ZNF143: variants seen among roughly 807,000 people sequenced by gnomAD.
ZNF143 encodes the protein SPH-binding factor.
ZNF143 carries 49 observed loss-of-function variants against 74.1 expected under a neutral mutation model. That is an observed-to-expected ratio of 0.66 (90% CI 0.53 to 0.84). The LOEUF is 0.84. Ranked by LOEUF, ZNF143 falls within the 40% of genes least tolerant of loss-of-function variation. The pLI, the probability that ZNF143 is intolerant of heterozygous loss-of-function variation, is 0.00. For missense variants in ZNF143, 637 were observed against 793.4 expected (o/e 0.80, Z 2.37); for synonymous variants, 304 against 282.8 (o/e 1.07, Z -0.75).
chr11:9,525,602 T>A, intron 15 of ZNF143: 2 of 594,304 alleles, frequency 3.4e-6, no homozygotes, highest in Admixed American at 3.0e-5. Flanking sequence ...GGGGAATTTA[T>A]AGCAAGAAAA....
Position 9,478,420 on chromosome 11 carries a change from T to C in ZNF143, c.404T>C (p.Val135Ala). ...DSYDQSALQAVQLEDGTTAYI... is the reference protein window; with the variant it reads ...DSYDQSALQAAQLEDGTTAYI... ...TATGACCAGAGTGCATTACAGGCGG[T>C]TCAGCTGGAAGATGGTACCACAGCT... Residue 135 changes from valine to alanine, a missense_variant, in exon 6 of 16, where the codon GTT becomes GCT. By Grantham distance (64) the Val-to-Ala change is moderately conservative. Around this residue, in one of 2 missense-constraint regions of ZNF143, gnomAD observed 293 missense variants for 307.8 expected, o/e 0.95. Coordinates refer to ENST00000396602, the MANE Select transcript of ZNF143 (RefSeq NM_003442.6). 2 of 1,614,096 alleles carry C rather than the reference T, an allele frequency of 1.2e-6. No homozygotes were observed. The highest frequency in any genetic ancestry group is 1.7e-6 in the Non-Finnish European group (2 of 1,179,988).
intron 7 of ZNF143, among the ~76,000 whole-genome samples, chr11:9,485,168 A>G (rs1847420501): frequency 6.6e-6 from 1 of 151,196 alleles, no homozygotes; most frequent in Middle Eastern, 3.4e-3. Flanking sequence ...AGAAAACCCA[A>G]AATGACCCGT....
chr11:9,462,804 G>A (rs1304904473), intron 1 of ZNF143, among the ~76,000 whole-genome samples: 1 of 152,140 alleles, frequency 6.6e-6, no homozygotes, highest in Non-Finnish European at 1.5e-5. Flanking sequence ...GAACCCAGGA[G>A]GCGGAGGTTG....
chr11:9,498,118 C>T (rs1373118048), intron 10 of ZNF143, among the ~76,000 whole-genome samples: 2 of 152,238 alleles, frequency 1.3e-5, no homozygotes, highest in African/African-American at 4.8e-5. Flanking sequence ...GCGTGAGCCA[C>T]CGCGCCCGGC....
chr11:9,517,688 T>C (rs182855140), intron 14 of ZNF143, among the ~76,000 whole-genome samples: 5 of 152,322 alleles, frequency 3.3e-5, no homozygotes, highest in African/African-American at 1.2e-4. Context: ...AAACTGTTCT[T>C]GTACTGTGCT....
chr11:9,510,315 G>A (rs910086360), intron 12 of ZNF143, among the ~76,000 whole-genome samples: 28 of 151,910 alleles, frequency 1.8e-4, no homozygotes, highest in African/African-American at 5.8e-4. Context: ...TAATAGAGAC[G>A]GGGTTTCACC....
chr11:9,509,437 C>G (rs1313160898), intron 12 of ZNF143, among the ~76,000 whole-genome samples: 1 of 152,028 alleles, frequency 6.6e-6, no homozygotes, highest in Non-Finnish European at 1.5e-5. Context: ...TCAGTAAACC[C>G]TTGGAAAAAT....
chr11:9,511,373 T>C lies in ZNF143; in HGVS notation c.1376-1075T>C, dbSNP rs531758810. On this transcript the variant is annotated intron_variant, in intron 12 of 15. Transcript: ENST00000396602. Reference sequence around the variant, plus strand: ...GTGCAGTGGTGCAATCTCGGCTCACTGCAAGCTCCGCCTCCTAGGTTCACA... The same window carrying C: ...GTGCAGTGGTGCAATCTCGGCTCACCGCAAGCTCCGCCTCCTAGGTTCACA... 2.4e-4 allele frequency among the ~76,000 whole-genome samples: 37 copies of C among 151,654 alleles called. 2 individuals are homozygous for C. Among genetic ancestry groups the C allele is most frequent in the African/African-American group, 9.0e-4 (37 of 41,326 alleles).
At position 9,525,320 on chromosome 11, in the gene ZNF143, A is replaced by G. The variant is rs747995997; in HGVS notation, c.1767A>G (p.Leu589=). The G allele has an allele frequency of 6.2e-7, 1 of 1,614,222 alleles. No homozygotes were observed. Among genetic ancestry groups the G allele is most frequent in the East Asian group, 2.2e-5 (1 of 44,892 alleles). The change falls in exon 15 of 16, where the codon TTA becomes TTG. Residue 589 remains leucine, a synonymous_variant. Transcript: ENST00000396602. ...GGCACCAGCAGCATAGCCATCACTT[A>G]GTAACCACAGAAACCAGACCTCTGA... ...EMGHQQHSHH[L]VTTETRPLTL...
At chr11:9,520,701 A>G (rs1431525731) in intron 14 of ZNF143, among the ~76,000 whole-genome samples, 6 of 152,178 alleles carry the variant, frequency 3.9e-5, no homozygotes, top group Non-Finnish European at 8.8e-5. Context: ...AGGCAGGAGA[A>G]TTGCTTGAAC....
intron 14 of ZNF143, among the ~76,000 whole-genome samples, chr11:9,524,805 A>G (rs1849066724): frequency 6.6e-6 from 1 of 152,204 alleles, no homozygotes; most frequent in Non-Finnish European, 1.5e-5. Context: ...TTTCCTAGTT[A>G]AATGGAAATC....
intron 5 of ZNF143, among the ~76,000 whole-genome samples, chr11:9,475,910 A>ATGTGTG (rs61636956): frequency 0.043 from 5,918 of 137,224 alleles, 158 homozygotes; most frequent in East Asian, 0.098. Flanking sequence ...AAAAATATAT[A>ATGTGTG]TGTGTGTGTG....
At chr11:9,509,344 A>G (rs1334872101) in intron 12 of ZNF143, among the ~76,000 whole-genome samples, 1 of 152,234 alleles carries the variant, frequency 6.6e-6, no homozygotes, top group Non-Finnish European at 1.5e-5. Flanking sequence ...CTTAATCGTA[A>G]CACTAGAGAA....
intron 7 of ZNF143, among the ~76,000 whole-genome samples, chr11:9,486,446 T>TATATATATA (rs1472068087): frequency 2.5e-4 from 4 of 15,714 alleles, no homozygotes; most frequent in African/African-American, 4.8e-4. Flanking sequence ...TATAATATAT[T>TATATATATA]ATATATATTA....
At chr11:9,517,464 A>G (rs1291676268) in intron 14 of ZNF143, among the ~76,000 whole-genome samples, 1 of 152,126 alleles carries the variant, frequency 6.6e-6, no homozygotes, top group African/African-American at 2.4e-5. Flanking sequence ...TGCTGGTGCA[A>G]AGATACATGT....
intron 7 of ZNF143, among the ~76,000 whole-genome samples, chr11:9,484,795 CAAAG>C (rs1847396542): frequency 6.4e-5 from 1 of 15,516 alleles, no homozygotes; most frequent in Admixed American, 4.0e-4. Context: ...CGCACCTGGC[CAAAG>C]ATTTTTTTTT....
chr11:9,526,010 G>A (rs1365005056), intron 15 of ZNF143, among the ~76,000 whole-genome samples: 1 of 151,910 alleles, frequency 6.6e-6, no homozygotes, highest in Non-Finnish European at 1.5e-5. Flanking sequence ...GTGTGGTGAC[G>A]GCTGCCTGTA....
chr11:9,525,713 A>G (rs1028666314), intron 15 of ZNF143, among the ~76,000 whole-genome samples: 2 of 152,176 alleles, frequency 1.3e-5, no homozygotes, highest in Admixed American at 1.3e-4. Flanking sequence ...CTTAAGAGCT[A>G]CTCCTTAGAG....
Position 9,493,218 on chromosome 11 carries a change from C to T in ZNF143, c.646-1428C>T, listed in dbSNP as rs908880043. On this transcript the variant is annotated intron_variant, in intron 7 of 15. Transcript: ENST00000396602. Reference sequence around the variant, plus strand: ...CCGAGTAACTGAGACTATAGGCACGCGCACCACCATGCCCAGCTAATTTTT... The same window carrying T: ...CCGAGTAACTGAGACTATAGGCACGTGCACCACCATGCCCAGCTAATTTTT... 4.6e-5 allele frequency among the ~76,000 whole-genome samples: 7 copies of T among 151,910 alleles called. 1 individual carries two copies. The highest frequency in any genetic ancestry group is 2.1e-4 in the South Asian group (1 of 4,800).
Sources: gnomAD v4.1 joint callset for allele counts (sites outside exome capture counted in the v4.1 genomes callset) on GRCh38, gnomAD v4.1.1 for gene constraint, gnomAD v4.1.1 regional missense constraint, MANE v1.5 for transcripts, NCBI Gene and HGNC (gene_info 2026-07-23, HGNC 2026-07-21) for gene names.